Variants in RASGRP2 observed in about 807,000 individuals in gnomAD.
The protein encoded by RASGRP2 is RAS guanyl releasing protein 2, also known as RAS guanyl-releasing protein 2.
A neutral mutation model predicts 71.0 loss-of-function variants in RASGRP2; 44 were observed. The observed-to-expected ratio is 0.62, with a 90% CI of 0.49 to 0.80. The LOEUF is 0.80. Among genes scored for constraint, RASGRP2 ranks in the 30% least tolerant of loss-of-function variants. RASGRP2 has a pLI of 0.00. For missense variants in RASGRP2, 663 were observed against 813.4 expected (o/e 0.82, Z 2.25); for synonymous variants, 350 against 330.7 (o/e 1.06, Z -0.63).
chr11:64,740,853 T>G (rs765409036), intron 5 of RASGRP2, 95 bp downstream of exon 5: 1 of 1,516,890 alleles, frequency 6.6e-7, no homozygotes. Context: ...GAGAGCAACA[T>G]GACCCTCACT....
In RASGRP2 at chr11:64,742,951, G is replaced by A. The variant is rs892834873; in HGVS notation, c.-71-14C>T. 1.3e-6 allele frequency: 2 copies of A among 1,527,564 alleles called. No homozygotes were observed. The highest frequency in any genetic ancestry group is 1.2e-5 in the South Asian group (1 of 83,226). The allele number at this position is 1,527,564 out of a possible 1,614,324, so 94.6% of individuals were successfully genotyped here. On this transcript the variant is annotated splice_polypyrimidine_tract_variant and intron_variant, in intron 1 of 16. Coordinates refer to ENST00000394432, the MANE Select transcript of RASGRP2 (RefSeq NM_001098671.2). This position sits in a 1 kb window ranked among gnomAD's most constrained non-coding sequence, Gnocchi z 4.7. Reference sequence around the variant, plus strand: ...CGGACCGAACCCCTGTCCCGGGAGAGGCAGAGCGGGAGTCTGCGGAGTCGC... The same window carrying A: ...CGGACCGAACCCCTGTCCCGGGAGAAGCAGAGCGGGAGTCTGCGGAGTCGC...
Position 64,735,268 on chromosome 11 carries a change from G to A in RASGRP2, c.1297-41C>T. The stretch of plus-strand genomic sequence containing the variant: ...GGACACGCAGAGCCAGAAGAGGGGA[G>A]AGTAAAGGGGACATCAGGTCCTGTC... On this transcript the variant is annotated intron_variant, in intron 11 of 16. Coordinates refer to ENST00000394432, the MANE Select transcript of RASGRP2 (RefSeq NM_001098671.2). The surrounding 1 kb of genome is among the most constrained non-coding windows in gnomAD (Gnocchi z 4.2). 2 of 1,498,298 alleles carry A rather than the reference G, an allele frequency of 1.3e-6. No individual in the cohort carries two copies. Among genetic ancestry groups the A allele is most frequent in the East Asian group, 2.3e-5 (1 of 44,206 alleles). The allele number at this position is 1,498,298 out of a possible 1,614,324, so 92.8% of individuals were successfully genotyped here. A position where few individuals can be genotyped will look rare whatever the true frequency, so the allele number is the denominator to read the frequency against.
intron 5 of RASGRP2, 112 bp from the exon 6 acceptor site, chr11:64,740,275 C>A (rs2058080156): frequency 1.5e-6 from 2 of 1,376,314 alleles, no homozygotes; most frequent in Admixed American, 3.4e-5. Flanking sequence ...ATGCGAGGCA[C>A]TGTCCTAGGC....
rs746378275 is a variant in RASGRP2 at position 64,736,796 on chromosome 11, C to T, written c.1052G>A (p.Arg351Gln). Residue 351 changes from arginine to glutamine, a missense_variant, in exon 9 of 17, where the codon CGG (arginine) becomes CAG (glutamine). Arg to Gln is a conservative substitution (Grantham distance 43). Coordinates refer to ENST00000394432, the MANE Select transcript of RASGRP2 (RefSeq NM_001098671.2). Reference protein sequence around the residue: ...LEELAMVTSLRPPVQANPDLL... With the variant: ...LEELAMVTSLQPPVQANPDLL... ...GTCGGGGTTGGCCTGTACTGGTGGCCGCAGGCTGGTCACCATGGCCAGCTC... is the reference window on the plus strand; with the variant it reads ...GTCGGGGTTGGCCTGTACTGGTGGCTGCAGGCTGGTCACCATGGCCAGCTC... 3.7e-6 allele frequency: 6 copies of T among 1,606,350 alleles called. No homozygotes were observed. The highest frequency in any genetic ancestry group is 2.2e-5 in the East Asian group (1 of 44,656).
At chr11:64,741,651 G>T (rs2058127575) in intron 3 of RASGRP2, 150 bp from the exon 4 acceptor site, 1 of 767,424 alleles carries the variant, frequency 1.3e-6, no homozygotes, top group Non-Finnish European at 2.3e-6. Flanking sequence ...TGAGCTCTGG[G>T]AGGGGTTGGA....
chr11:64,743,740 G>A lies in RASGRP2; in HGVS notation c.-72+263C>T, dbSNP rs2058221067. 1 of 318,872 alleles carries A rather than the reference G, an allele frequency of 3.1e-6. No homozygotes were observed. Among genetic ancestry groups the A allele is most frequent in the Non-Finnish European group, 6.1e-6 (1 of 163,370 alleles). The allele number at this position is 318,872 out of a possible 1,614,324, so 19.8% of individuals were successfully genotyped here. ...GCGCACGGAGCAGGGTGTCCAGAGG[G>A]GGGCGCTCGCGCCAAGGGTGGCCGG... On this transcript the variant is annotated intron_variant, in intron 1 of 16. Coordinates refer to ENST00000394432, the MANE Select transcript of RASGRP2 (RefSeq NM_001098671.2). This position sits in a 1 kb window ranked among gnomAD's most constrained non-coding sequence, Gnocchi z 4.9.
At chr11:64,732,097 T>C (rs2057782561) in intron 12 of RASGRP2, among the ~76,000 whole-genome samples, 1 of 152,218 alleles carries the variant, frequency 6.6e-6, no homozygotes, top group Non-Finnish European at 1.5e-5. Flanking sequence ...ACTCTGCAGC[T>C]GTTCTAACGA....
At position 64,741,064 on chromosome 11, in the gene RASGRP2, G is replaced by T; in HGVS notation, c.255C>A (p.Ala85=). The T allele has an allele frequency of 6.2e-7, 1 of 1,613,238 alleles. No homozygotes were observed. The highest frequency in any genetic ancestry group is 8.5e-7 in the Non-Finnish European group (1 of 1,180,004). ...GGTTCAAGTCAAACTCCGCTGGGAA[G>T]GCGGAGATCCAGTACCTGGAGGAGC... ...TCHLVRYWIS[A]FPAEFDLNPE... Residue 85 remains alanine, a synonymous_variant, in exon 5 of 17, where the codon GCC becomes GCA. Transcript: ENST00000394432.
At chr11:64,734,508 T>C (rs2057867734) in intron 12 of RASGRP2, among the ~76,000 whole-genome samples, 1 of 152,020 alleles carries the variant, frequency 6.6e-6, no homozygotes. Context: ...ACCACCTAGA[T>C]TTTATTTTAC....
Position 64,743,069 on chromosome 11 carries a change from GGGTTAAACGGTCTGGCCCGGGAT to G in RASGRP2, c.-71-155_-71-133del. The G allele has an allele frequency of 1.9e-6, 2 of 1,034,256 alleles. No homozygotes were observed. Among genetic ancestry groups the G allele is most frequent in the Non-Finnish European group, 2.9e-6 (2 of 691,552 alleles). 64.1% of individuals were successfully genotyped at this position (1,034,256 alleles called of 1,614,324 possible). A position where few individuals can be genotyped will look rare whatever the true frequency, so the allele number is the denominator to read the frequency against. ...GAGTTGTCCCCCGCGGCCACTCCCG[GGGTTAAACGGTCTGGCCCGGGAT>G]GGTGCAACCCGCCAGTTGGGAAACG... is the stretch of plus-strand genomic sequence containing the variant. On this transcript the variant is annotated intron_variant, in intron 1 of 16. Transcript: ENST00000394432. This position sits in a 1 kb window ranked among gnomAD's most constrained non-coding sequence, Gnocchi z 4.9.
intron 12 of RASGRP2, among the ~76,000 whole-genome samples, 156 bp from the exon 13 acceptor site, chr11:64,730,350 G>C (rs1301691854): frequency 6.6e-6 from 1 of 152,248 alleles, no homozygotes; most frequent in Admixed American, 6.5e-5. Context: ...CTAGGGGTCA[G>C]GCAGATGTGG....
Position 64,735,611 on chromosome 11 carries a change from C to G in RASGRP2, c.1227G>C (p.Glu409Asp), listed in dbSNP as rs753022840. 5.0e-6 allele frequency: 8 copies of G among 1,613,966 alleles called. No homozygotes were observed. Among genetic ancestry groups the G allele is most frequent in the African/African-American group, 1.3e-5 (1 of 74,926 alleles). The stretch of plus-strand genomic sequence containing the variant: ...GCTTGGGTTTGGCAGCCGAGGTCCA[C>G]TCCTCCAGTACCGGGGGCCGGGGTG... ...TPPPRPPVLE[E>D]WTSAAKPKLD... Residue 409 changes from glutamate (E) to aspartate (D), a missense_variant, in exon 11 of 17, where the codon GAG becomes GAC. Physicochemically the swap from Glu to Asp is conservative, Grantham distance 45. Coordinates refer to ENST00000394432, the MANE Select transcript of RASGRP2 (RefSeq NM_001098671.2). This position sits in a 1 kb window ranked among gnomAD's most constrained non-coding sequence, Gnocchi z 4.2.
chr11:64,741,947 T>A, intron 3 of RASGRP2, 63 bp downstream of exon 3: 1 of 1,390,246 alleles, frequency 7.2e-7, no homozygotes. Context: ...GCACCTGGGC[T>A]GGGCAGAGGG....
intron 12 of RASGRP2, among the ~76,000 whole-genome samples, chr11:64,734,054 G>A (rs755502975): frequency 1.3e-5 from 2 of 151,920 alleles, no homozygotes; most frequent in South Asian, 4.2e-4. Flanking sequence ...GCTCATGCCT[G>A]TAATCCTAGC....
intron 8 of RASGRP2, among the ~76,000 whole-genome samples, chr11:64,737,690 AAAAAAG>A (rs1592374461): frequency 6.6e-6 from 1 of 150,622 alleles, no homozygotes; most frequent in East Asian, 1.9e-4. Context: ...AAAAAAAAAA[AAAAAAG>A]AAAGAAAAAG....
chr11:64,737,678 CAAAA>C (rs59836204), intron 8 of RASGRP2, among the ~76,000 whole-genome samples: 6 of 91,150 alleles, frequency 6.6e-5, no homozygotes, highest in Non-Finnish European at 4.8e-5. Flanking sequence ...GACTCCATCT[CAAAA>C]AAAAAAAAAA....
intron 14 of RASGRP2, 109 bp from the exon 15 acceptor site, chr11:64,729,151 G>T: frequency 8.9e-7 from 1 of 1,124,610 alleles, no homozygotes; most frequent in Non-Finnish European, 1.3e-6. Flanking sequence ...CTGAGCAGCT[G>T]CCCCACCAAA....
Position 64,735,012 on chromosome 11 carries a change from ATC to A in RASGRP2, c.1412+98_1412+99del. On this transcript the variant is annotated intron_variant, in intron 12 of 16. Transcript: ENST00000394432. The surrounding 1 kb of genome is among the most constrained non-coding windows in gnomAD (Gnocchi z 4.2). Reference sequence around the variant, plus strand: ...ACTGGCAGCTTCCCAGGCCAAGATCATCTGGCTCAGTGACCTCATCTTGCACA... The same window carrying A: ...ACTGGCAGCTTCCCAGGCCAAGATCATGGCTCAGTGACCTCATCTTGCACA... 1.0e-6 allele frequency: 1 copy of A among 970,360 alleles called. No homozygotes were observed. Among genetic ancestry groups the A allele is most frequent in the Non-Finnish European group, 1.7e-6 (1 of 600,724 alleles). The allele number at this position is 970,360 out of a possible 1,614,324, so 60.1% of individuals were successfully genotyped here. A position where few individuals can be genotyped will look rare whatever the true frequency, so the allele number is the denominator to read the frequency against.
rs538086297 is a variant in RASGRP2, at chr11:64,740,370, T to C, written c.372-207A>G. On this transcript the variant is annotated intron_variant, in intron 5 of 16. Coordinates refer to ENST00000394432, the MANE Select transcript of RASGRP2 (RefSeq NM_001098671.2). The stretch of plus-strand genomic sequence containing the variant: ...ACACACATTTATGAACAACGTACTC[T>C]GTGCCAGGCACTGTGCTAGGCGCTG... 2.5e-5 allele frequency: 18 copies of C among 715,586 alleles called. No individual in the cohort carries two copies. The Admixed American group carries it at 2.8e-4, about 11-fold the overall frequency. The allele number at this position is 715,586 out of a possible 1,614,324, so 44.3% of individuals were successfully genotyped here.
Sources: gnomAD v4.1 joint callset for allele counts (sites outside exome capture counted in the v4.1 genomes callset) on GRCh38, gnomAD v4.1.1 for gene constraint, Gnocchi (gnomAD v3.1) non-coding constraint, MANE v1.5 for transcripts, NCBI Gene and HGNC (gene_info 2026-07-23, HGNC 2026-07-21) for gene names.